Variants in GALNT1 observed in about 807,000 individuals in gnomAD.
GALNT1 encodes the protein GalNAc transferase 1.
Under a neutral mutation model 65.7 loss-of-function variants are expected in GALNT1, and 17 were observed. That is an observed-to-expected ratio of 0.26 (90% CI 0.18 to 0.39). GALNT1 has a LOEUF of 0.39. Ranked by LOEUF, GALNT1 falls within the 10% of genes least tolerant of loss-of-function variation. The pLI is 1.00. For synonymous variants in GALNT1, 210 were observed against 219.7 expected, an observed-to-expected ratio of 0.96 and a Z score of 0.39; for missense variants, 460 against 672.8, an observed-to-expected ratio of 0.68 and a Z score of 3.50.
intron 1 of GALNT1, among the ~76,000 whole-genome samples, chr18:35,641,499 G>A (rs909764705): frequency 1.1e-4 from 17 of 152,124 alleles, no homozygotes; most frequent in African/African-American, 3.9e-4. Flanking sequence ...GCTACATTAG[G>A]ATCTTCACAG....
chr18:35,670,792 C>G (rs1018072958), intron 3 of GALNT1, among the ~76,000 whole-genome samples: 1 of 152,188 alleles, frequency 6.6e-6, no homozygotes, highest in Non-Finnish European at 1.5e-5. Flanking sequence ...ATAGCGAGTT[C>G]ATGACCAGTT....
chr18:35,672,274 C>T (rs955782032), intron 3 of GALNT1, among the ~76,000 whole-genome samples: 1 of 152,242 alleles, frequency 6.6e-6, no homozygotes, highest in Non-Finnish European at 1.5e-5. Flanking sequence ...GAAGCTGACT[C>T]CAAAGGGACT....
At chr18:35,672,955 G>A (rs1355200217) in intron 3 of GALNT1, among the ~76,000 whole-genome samples, 2 of 152,176 alleles carry the variant, frequency 1.3e-5, no homozygotes, top group Non-Finnish European at 2.9e-5. Context: ...TTTGTCCAAA[G>A]TATAGTTAGT....
At position 35,674,983 on chromosome 18, in the gene GALNT1, A is replaced by G. The variant is rs1299663451; in HGVS notation, c.315-2608A>G. ...GAGCGACAGAGCGAGACTCCGTCTCAAAAAAAAAAAAAAAAAAAAAAAAAA... is the reference window on the plus strand; with the variant it reads ...GAGCGACAGAGCGAGACTCCGTCTCGAAAAAAAAAAAAAAAAAAAAAAAAA... On this transcript the variant is annotated intron_variant, in intron 3 of 11. Coordinates refer to ENST00000269195, the MANE Select transcript of GALNT1 (RefSeq NM_020474.4). Among the ~76,000 whole-genome samples the G allele has an allele frequency of 5.1e-5, 4 of 77,824 alleles. No individual in the cohort carries two copies. In the East Asian group the frequency reaches 1.1e-3, roughly 22 times the overall value. 51.1% of individuals were successfully genotyped at this position (77,824 alleles called of 152,430 possible).
At chr18:35,654,359 A>G (rs563391962) in intron 1 of GALNT1, among the ~76,000 whole-genome samples, 1 of 152,164 alleles carries the variant, frequency 6.6e-6, no homozygotes, top group Admixed American at 6.5e-5. Context: ...AATTATTTAT[A>G]TAGTCCTGAT....
chr18:35,632,997 A>C (rs998411588), intron 1 of GALNT1, among the ~76,000 whole-genome samples: 10 of 152,192 alleles, frequency 6.6e-5, no homozygotes, highest in East Asian at 5.8e-4. Flanking sequence ...CAATGAGATA[A>C]CATCTCACAC....
chr18:35,620,053 C>T (rs531172577), intron 1 of GALNT1, among the ~76,000 whole-genome samples: 17 of 152,250 alleles, frequency 1.1e-4, no homozygotes, highest in African/African-American at 3.4e-4. Context: ...CCTCTTCCCC[C>T]ACAAAAAGGT....
chr18:35,603,146 G>A (rs2046602985), intron 1 of GALNT1, among the ~76,000 whole-genome samples: 1 of 152,126 alleles, frequency 6.6e-6, no homozygotes, highest in Admixed American at 6.5e-5. Flanking sequence ...TGGGAGAGTG[G>A]GAGGGTTTTT....
intron 1 of GALNT1, among the ~76,000 whole-genome samples, chr18:35,611,670 A>G (rs889653931): frequency 2.6e-5 from 4 of 152,198 alleles, no homozygotes; most frequent in African/African-American, 9.7e-5. Context: ...ATGCAGGAGG[A>G]ATTCTCATGG....
rs912642485 is a variant in GALNT1, at chr18:35,697,307, A to G, written c.1299+4987A>G. Among the ~76,000 whole-genome samples the G allele has an allele frequency of 2.0e-5, 3 of 152,294 alleles. No homozygotes were observed. The East Asian group carries it at 5.8e-4, about 29-fold the overall frequency. The stretch of plus-strand genomic sequence containing the variant: ...CAGTGTTTTTAATTCTGTGTTGTAA[A>G]TAATATTGATATCTGATGTCCCCAA... On this transcript the variant is annotated intron_variant, in intron 9 of 11. Coordinates refer to ENST00000269195, the MANE Select transcript of GALNT1 (RefSeq NM_020474.4).
chr18:35,682,091 A>G (rs2047795234), intron 4 of GALNT1, among the ~76,000 whole-genome samples: 1 of 152,192 alleles, frequency 6.6e-6, no homozygotes, highest in Admixed American at 6.6e-5. Context: ...CTTTTTACTC[A>G]GAATCAATTT....
intron 9 of GALNT1, among the ~76,000 whole-genome samples, chr18:35,696,954 A>G (rs2048068495): frequency 6.6e-6 from 1 of 152,218 alleles, no homozygotes; most frequent in African/African-American, 2.4e-5. Context: ...TCTGGAGGAG[A>G]CTAATAGTAG....
At position 35,711,010 on chromosome 18, in the gene GALNT1, A is replaced by G. The variant is rs1384141979; in HGVS notation, c.*1240A>G. 1.3e-5 allele frequency: 2 copies of G among 152,494 alleles called. No individual in the cohort carries two copies. Among genetic ancestry groups the G allele is most frequent in the African/African-American group, 4.8e-5 (2 of 41,416 alleles). 9.4% of individuals were successfully genotyped at this position (152,494 alleles called of 1,614,324 possible). A position where few individuals can be genotyped will look rare whatever the true frequency, so the allele number is the denominator to read the frequency against. The stretch of plus-strand genomic sequence containing the variant: ...GAAAATGTTTAATTGGCATTTTTTA[A>G]TGACTTAGCCAAAGAAGTGCAGCTA... On this transcript the variant is annotated 3_prime_UTR_variant, in exon 12 of 12. Coordinates refer to ENST00000269195, the MANE Select transcript of GALNT1 (RefSeq NM_020474.4).
At chr18:35,599,014 A>G (rs1377771144) in intron 1 of GALNT1, among the ~76,000 whole-genome samples, 2 of 117,526 alleles carry the variant, frequency 1.7e-5, no homozygotes, top group Non-Finnish European at 1.8e-5. Context: ...TTTTTCATGT[A>G]CGTGTTGGCT....
At position 35,689,179 on chromosome 18, in the gene GALNT1, T is replaced by C; in HGVS notation, c.867T>C (p.Pro289=). 6.2e-7 allele frequency: 1 copy of C among 1,601,232 alleles called. No homozygotes were observed. Among genetic ancestry groups the C allele is most frequent in the African/African-American group, 1.3e-5 (1 of 74,716 alleles). The part of the protein sequence containing the change: ...KGDRTLPVRT[P]TMAGGLFSID... ...TAGCATTATTGAATTTCAGGACACC[T>C]ACCATGGCAGGAGGCCTTTTTTCAA... Residue 289 remains proline (P), a synonymous_variant, in exon 7 of 12, where the codon CCT becomes CCC. Coordinates refer to ENST00000269195, the MANE Select transcript of GALNT1 (RefSeq NM_020474.4).
At chr18:35,584,669 G>T (rs539726281) in intron 1 of GALNT1, among the ~76,000 whole-genome samples, 12 of 152,336 alleles carry the variant, frequency 7.9e-5, no homozygotes, top group African/African-American at 2.9e-4. Flanking sequence ...GGGGCCAGGG[G>T]AATGGTTTCG....
chr18:35,617,800 T>C (rs1313361596), intron 1 of GALNT1, among the ~76,000 whole-genome samples: 2 of 152,188 alleles, frequency 1.3e-5, no homozygotes, highest in African/African-American at 2.4e-5. Context: ...TAAAGTGTCT[T>C]TTTAAGTTGA....
intron 7 of GALNT1, among the ~76,000 whole-genome samples, chr18:35,690,141 A>T (rs988309216): frequency 1.3e-5 from 2 of 152,228 alleles, no homozygotes; most frequent in Non-Finnish European, 2.9e-5. Context: ...GGGGGAATGT[A>T]TTTTGAAAGA....
At chr18:35,658,330 A>C (rs564660219) in intron 2 of GALNT1, among the ~76,000 whole-genome samples, 2 of 152,336 alleles carry the variant, frequency 1.3e-5, no homozygotes, top group South Asian at 2.1e-4. Context: ...TTCAGGGGAC[A>C]GACTGAGAAG....
Sources: allele counts gnomAD v4.1 joint callset (sites outside exome capture counted in the v4.1 genomes callset), GRCh38; gene constraint gnomAD v4.1.1; transcripts MANE v1.5; gene names NCBI Gene and HGNC (gene_info 2026-07-23, HGNC 2026-07-21).